CSNK2B: variants seen among roughly 807,000 people sequenced by gnomAD.
CSNK2B encodes the protein casein kinase II subunit beta.
In CSNK2B, 2 loss-of-function variants were observed where a neutral mutation model predicts 28.8. The observed-to-expected ratio is 0.07, with a 90% CI of 0.03 to 0.22. The LOEUF is 0.22. Ranked by LOEUF, CSNK2B falls within the 10% of genes least tolerant of loss-of-function variation. The probability of loss-of-function intolerance (pLI) is 1.00; values close to 1 mark genes in which losing one functional copy is unlikely to be tolerated. For synonymous variants in CSNK2B, 89 were observed against 96.1 expected, an observed-to-expected ratio of 0.93 and a Z score of 0.43; for missense variants, 107 against 277.9, an observed-to-expected ratio of 0.39 and a Z score of 4.37.
rs1176586804 is a variant in CSNK2B at position 31,668,638 on chromosome 6, G to A, written c.275G>A (p.Arg92His). 1 of 1,613,030 alleles carries A rather than the reference G, an allele frequency of 6.2e-7. No individual in the cohort carries two copies. The highest frequency in any genetic ancestry group is 8.5e-7 in the Non-Finnish European group (1 of 1,180,026). ...CACGCCCGCTACATCCTTACCAACC[G>A]TGGCATCGCCCAGATGGTGAGGCCT... ...LIHARYILTN[R>H]GIAQMLEKYQ... is the part of the protein sequence containing the mutation. The change falls in exon 4 of 7, where the codon CGT becomes CAT. Residue 92 changes from arginine to histidine, a missense_variant. Physicochemically the swap from Arg to His is conservative, Grantham distance 29 (BLOSUM62 0). Coordinates refer to ENST00000375882, the MANE Select transcript of CSNK2B (RefSeq NM_001320.7).
Position 31,666,132 on chromosome 6 carries a change from G to C in CSNK2B, c.-88G>C. The stretch of plus-strand genomic sequence containing the variant: ...CCTGCCGCGGTCGGGTCCGCGGCCT[G>C]CGCTGTAGCGGTCGCCGCCGTTCCC... On this transcript the variant is annotated 5_prime_UTR_variant, in exon 1 of 7. Coordinates refer to ENST00000375882, the MANE Select transcript of CSNK2B (RefSeq NM_001320.7). The C allele has an allele frequency of 1.0e-6, 1 of 993,326 alleles. No individual in the cohort carries two copies. Among genetic ancestry groups the C allele is most frequent in the Non-Finnish European group, 1.2e-6 (1 of 833,678 alleles). The allele number at this position is 993,326 out of a possible 1,614,324, so 61.5% of individuals were successfully genotyped here. A position where few individuals can be genotyped will look rare whatever the true frequency, so the allele number is the denominator to read the frequency against.
chr6:31,666,084 T>C lies in CSNK2B; in HGVS notation c.-136T>C. On this transcript the variant is annotated 5_prime_UTR_variant, in exon 1 of 7. Coordinates refer to ENST00000375882, the MANE Select transcript of CSNK2B (RefSeq NM_001320.7). The stretch of plus-strand genomic sequence containing the variant: ...GCCCTCTTCCCCACCCTCCCTAATT[T>C]CCACTCCCCCCACCCCACTTCGCCT... 31 of 989,190 alleles carry C rather than the reference T, an allele frequency of 3.1e-5. No homozygotes were observed. The highest frequency in any genetic ancestry group is 3.6e-5 in the Non-Finnish European group (30 of 831,582). 61.3% of individuals were successfully genotyped at this position (989,190 alleles called of 1,614,324 possible). A position where few individuals can be genotyped will look rare whatever the true frequency, so the allele number is the denominator to read the frequency against.
chr6:31,669,383 C>T lies in CSNK2B; in HGVS notation c.432C>T (p.Tyr144=). The T allele has an allele frequency of 1.2e-6, 2 of 1,614,202 alleles. No homozygotes were observed. The highest frequency in any genetic ancestry group is 1.7e-6 in the Non-Finnish European group (2 of 1,180,038). ...KLYCPKCMDV[Y]TPKSSRHHHT... ...ACTGCCCCAAGTGCATGGATGTGTA[C>T]ACACCCAAGTCATCAAGACACCATC... is the stretch of plus-strand genomic sequence containing the variant. Residue 144 remains tyrosine (Y), a synonymous_variant, in exon 6 of 7, where the codon TAC becomes TAT. Coordinates refer to ENST00000375882, the MANE Select transcript of CSNK2B (RefSeq NM_001320.7). This position sits in a 1 kb window ranked among gnomAD's most constrained non-coding sequence, Gnocchi z 4.8.
chr6:31,669,829 G>C lies in CSNK2B; in HGVS notation c.558-7G>C. On this transcript the variant is annotated splice_polypyrimidine_tract_variant and splice_region_variant and intron_variant, in intron 6 of 6. Coordinates refer to ENST00000375882, the MANE Select transcript of CSNK2B (RefSeq NM_001320.7). This position sits in a 1 kb window ranked among gnomAD's most constrained non-coding sequence, Gnocchi z 4.8. ...CTGCTGCCTCTCTGACCTCTGCCCT[G>C]GCCTAGGCTCTACGGTTTCAAGATC... 1 of 1,611,746 alleles carries C rather than the reference G, an allele frequency of 6.2e-7. No homozygotes were observed. The highest frequency in any genetic ancestry group is 1.1e-5 in the South Asian group (1 of 90,960).
chr6:31,668,855 T>A (rs1055847939), intron 4 of CSNK2B: 1 of 617,548 alleles, frequency 1.6e-6, no homozygotes, highest in Non-Finnish European at 2.9e-6. Flanking sequence ...AGACCTTGAA[T>A]CAGAGAGTTG....
rs373823618 is a variant in CSNK2B, at chr6:31,669,517, C to G, written c.557+9C>G. 3.1e-6 allele frequency: 5 copies of G among 1,604,140 alleles called. No homozygotes were observed. The African/African-American group carries it at 5.3e-5, about 17-fold the overall frequency. ...AACCAGTTTGTGCCCAGGTAGGGAG[C>G]AGGGAGAGTCATTAAGGGTCAAAGG... On this transcript the variant is annotated intron_variant, in intron 6 of 6. Coordinates refer to ENST00000375882, the MANE Select transcript of CSNK2B (RefSeq NM_001320.7). This position sits in a 1 kb window ranked among gnomAD's most constrained non-coding sequence, Gnocchi z 4.8.
At position 31,666,219 on chromosome 6, in the gene CSNK2B, AGTC is replaced by A; in HGVS notation, c.-12+16_-12+18del. The A allele has an allele frequency of 1.0e-6, 1 of 989,526 alleles. No homozygotes were observed. The highest frequency in any genetic ancestry group is 1.2e-6 in the Non-Finnish European group (1 of 830,972). The allele number at this position is 989,526 out of a possible 1,614,324, so 61.3% of individuals were successfully genotyped here. A position where few individuals can be genotyped will look rare whatever the true frequency, so the allele number is the denominator to read the frequency against. Reference sequence around the variant, plus strand: ...GTCCCCGTCCAGCCGGTGAGTCTGAAGTCGTCGCTGCTCCGAGTCCCTTGTCGC... The same window carrying A: ...GTCCCCGTCCAGCCGGTGAGTCTGAAGTCGCTGCTCCGAGTCCCTTGTCGC... On this transcript the variant is annotated intron_variant, in intron 1 of 6. Transcript: ENST00000375882.
intron 3 of CSNK2B, chr6:31,668,173 A>G (rs1801918365): frequency 4.9e-6 from 3 of 616,054 alleles, no homozygotes; most frequent in Non-Finnish European, 5.7e-6. Flanking sequence ...TAAATCCGCA[A>G]TTCAGACCTA....
chr6:31,669,802 T>G lies in CSNK2B; in HGVS notation c.558-34T>G. The stretch of plus-strand genomic sequence containing the variant: ...ACTGGCAGGGCCTGGATGGGGCTCA[T>G]GCTGCTGCCTCTCTGACCTCTGCCC... On this transcript the variant is annotated intron_variant, in intron 6 of 6. Transcript: ENST00000375882. The surrounding 1 kb of genome is among the most constrained non-coding windows in gnomAD (Gnocchi z 4.8). 1 of 1,575,836 alleles carries G rather than the reference T, an allele frequency of 6.3e-7. No homozygotes were observed. The highest frequency in any genetic ancestry group is 1.1e-5 in the South Asian group (1 of 88,004).
chr6:31,667,966 G>A lies in CSNK2B; in HGVS notation c.171G>A (p.Glu57=), dbSNP rs1801898058. The change falls in exon 3 of 7, where the codon GAG becomes GAA. Residue 57 remains glutamate, a synonymous_variant. Transcript: ENST00000375882. ...CTCTAGACATGATCTTGGACCTGGA[G>A]CCTGGTGAGGCACCCTCAGGGTTGT... ...RQALDMILDL[E]PDEELEDNPN... 1 of 1,603,924 alleles carries A rather than the reference G, an allele frequency of 6.2e-7. No homozygotes were observed. The highest frequency in any genetic ancestry group is 8.5e-7 in the Non-Finnish European group (1 of 1,173,320).
intron 1 of CSNK2B, chr6:31,666,461 G>C (rs1347898344): frequency 7.1e-6 from 2 of 282,426 alleles, no homozygotes; most frequent in African/African-American, 4.4e-5. Context: ...TGGGAAAGGC[G>C]TGGGGGTCAT....
intron 2 of CSNK2B, 78 bp from the exon 3 acceptor site, chr6:31,667,790 C>A: frequency 4.3e-6 from 3 of 703,724 alleles, no homozygotes; most frequent in East Asian, 2.8e-5. Flanking sequence ...GATGATAAGG[C>A]ATCACTTAGA....
At chr6:31,666,635 A>T in intron 1 of CSNK2B, 186 bp from the exon 2 acceptor site, 1 of 598,674 alleles carries the variant, frequency 1.7e-6, no homozygotes, top group Non-Finnish European at 3.0e-6. Context: ...AGAATGTTTA[A>T]CTTCAAAGAA....
intron 1 of CSNK2B, 107 bp from the exon 2 acceptor site, chr6:31,666,712 AGG>A: frequency 1.3e-6 from 1 of 773,658 alleles, no homozygotes; most frequent in East Asian, 2.6e-5. Flanking sequence ...GCTTTAAGAA[AGG>A]GTGGTTCCGA....
chr6:31,666,112 C>G lies in CSNK2B; in HGVS notation c.-108C>G, dbSNP rs987886261. On this transcript the variant is annotated 5_prime_UTR_variant, in exon 1 of 7. Transcript: ENST00000375882. ...ACTCCCCCCACCCCACTTCGCCTGC[C>G]GCGGTCGGGTCCGCGGCCTGCGCTG... The G allele has an allele frequency of 1.0e-6, 1 of 993,282 alleles. No homozygotes were observed. Among genetic ancestry groups the G allele is most frequent in the Non-Finnish European group, 1.2e-6 (1 of 833,370 alleles). The allele number at this position is 993,282 out of a possible 1,614,324, so 61.5% of individuals were successfully genotyped here.
Position 31,666,102 on chromosome 6 carries a change from C to A in CSNK2B, c.-118C>A. 1 of 993,476 alleles carries A rather than the reference C, an allele frequency of 1.0e-6. No homozygotes were observed. Among genetic ancestry groups the A allele is most frequent in the Non-Finnish European group, 1.2e-6 (1 of 833,384 alleles). The allele number at this position is 993,476 out of a possible 1,614,324, so 61.5% of individuals were successfully genotyped here. Reference sequence around the variant, plus strand: ...CCTAATTTCCACTCCCCCCACCCCACTTCGCCTGCCGCGGTCGGGTCCGCG... The same window carrying A: ...CCTAATTTCCACTCCCCCCACCCCAATTCGCCTGCCGCGGTCGGGTCCGCG... On this transcript the variant is annotated 5_prime_UTR_variant, in exon 1 of 7. Coordinates refer to ENST00000375882, the MANE Select transcript of CSNK2B (RefSeq NM_001320.7).
intron 3 of CSNK2B, 116 bp from the exon 4 acceptor site, chr6:31,668,423 G>A (rs904763578): frequency 3.6e-6 from 3 of 838,044 alleles, no homozygotes; most frequent in Non-Finnish European, 3.9e-6. Flanking sequence ...GTTGGATGGG[G>A]TAAGGCCCAA....
At chr6:31,666,468 T>G in intron 1 of CSNK2B, 4 of 301,648 alleles carry the variant, frequency 1.3e-5, no homozygotes, top group Non-Finnish European at 2.5e-5. Flanking sequence ...GGCGTGGGGG[T>G]CATGCAGAGA....
In CSNK2B at chr6:31,666,176, T is replaced by TACCCC; in HGVS notation, c.-37_-33dup. ...CGTTCCCTGGAAGTAGCAACTTCCC[T>TACCCC]ACCCCACCCCAGTCCTGGTCCCCGT... On this transcript the variant is annotated 5_prime_UTR_variant, in exon 1 of 7. Transcript: ENST00000375882. 1.0e-6 allele frequency: 1 copy of TACCCC among 990,932 alleles called. No individual in the cohort carries two copies. Among genetic ancestry groups the TACCCC allele is most frequent in the Non-Finnish European group, 1.2e-6 (1 of 832,672 alleles). 61.4% of individuals were successfully genotyped at this position (990,932 alleles called of 1,614,324 possible).
Sources: gnomAD v4.1 joint callset for allele counts on GRCh38, gnomAD v4.1.1 for gene constraint, Gnocchi (gnomAD v3.1) non-coding constraint, MANE v1.5 for transcripts, NCBI Gene and HGNC (gene_info 2026-07-23, HGNC 2026-07-21) for gene names.